Variants in CDH18 observed in about 807,000 individuals in gnomAD.
The protein encoded by CDH18 is cadherin 18.
A neutral mutation model predicts 67.9 loss-of-function variants in CDH18; 31 were observed. The ratio of observed to expected loss-of-function variants is 0.46; its 90% CI spans 0.34 to 0.62. The LOEUF (loss-of-function observed/expected upper bound fraction) is 0.62, where lower values mean the gene tolerates loss of function less well. Among genes scored for constraint, CDH18 ranks in the 20% least tolerant of loss-of-function variants. The pLI is 0.01. For missense variants in CDH18, 890 were observed against 975.5 expected, an observed-to-expected ratio of 0.91 and a Z score of 1.17; for synonymous variants, 362 against 347.2, an observed-to-expected ratio of 1.04 and a Z score of -0.48.
At chr5:20,125,859 T>A (rs80146282) in intron 2 of CDH18, among the ~76,000 whole-genome samples, 50 of 152,168 alleles carry the variant, frequency 3.3e-4, no homozygotes, top group Non-Finnish European at 6.2e-4. Flanking sequence ...CATAAGACTC[T>A]CTCCCTACAC....
intron 2 of CDH18, among the ~76,000 whole-genome samples, chr5:20,030,269 A>G (rs1739279643): frequency 6.6e-6 from 1 of 152,136 alleles, no homozygotes; most frequent in Admixed American, 6.6e-5. Context: ...AGGACATCTC[A>G]GTGTGTGTCA....
chr5:20,002,424 T>C (rs1580001285), intron 2 of CDH18, among the ~76,000 whole-genome samples: 1 of 152,218 alleles, frequency 6.6e-6, no homozygotes, highest in Non-Finnish European at 1.5e-5. Flanking sequence ...GGCTCTCAGT[T>C]TGCACATCTT....
chr5:19,720,063 C>A (rs984598133), intron 5 of CDH18, among the ~76,000 whole-genome samples: 1 of 152,070 alleles, frequency 6.6e-6, no homozygotes, highest in Non-Finnish European at 1.5e-5. Flanking sequence ...ATCAAATCCT[C>A]TTGTAAACAT....
At chr5:20,493,194 C>CA (rs1212855145) in intron 1 of CDH18, among the ~76,000 whole-genome samples, 1 of 151,016 alleles carries the variant, frequency 6.6e-6, no homozygotes, top group African/African-American at 2.4e-5. Flanking sequence ...ACTAAAAATA[C>CA]AAAAAACTAG....
chr5:20,203,578 G>A (rs1739622179), intron 2 of CDH18, among the ~76,000 whole-genome samples: 1 of 74,050 alleles, frequency 1.4e-5, no homozygotes. Flanking sequence ...CTAGTGGAGG[G>A]AAAAGAGAGA....
At chr5:20,460,668 A>G (rs1751203296) in intron 1 of CDH18, among the ~76,000 whole-genome samples, 1 of 152,146 alleles carries the variant, frequency 6.6e-6, no homozygotes, top group South Asian at 2.1e-4. Context: ...AGTTTCATTA[A>G]GGAGAGGAAA....
chr5:19,790,851 A>C (rs982603205), intron 3 of CDH18, among the ~76,000 whole-genome samples: 2 of 152,150 alleles, frequency 1.3e-5, no homozygotes, highest in East Asian at 3.9e-4. Flanking sequence ...GAAAAGAACC[A>C]GACAGACTTG....
chr5:20,561,107 G>A (rs991426904), intron 1 of CDH18, among the ~76,000 whole-genome samples: 24 of 152,094 alleles, frequency 1.6e-4, no homozygotes, highest in African/African-American at 5.6e-4. Flanking sequence ...TGACAATATT[G>A]AATGCTGGCA....
intron 2 of CDH18, among the ~76,000 whole-genome samples, chr5:19,878,387 T>C (rs1394817049): frequency 1.3e-5 from 2 of 152,072 alleles, no homozygotes; most frequent in Non-Finnish European, 2.9e-5. Flanking sequence ...AATGTCAGAA[T>C]ACAAACATAC....
intron 1 of CDH18, among the ~76,000 whole-genome samples, chr5:20,513,273 C>T (rs190620279): frequency 2.0e-5 from 3 of 152,202 alleles, no homozygotes; most frequent in African/African-American, 7.2e-5. Context: ...GTAGCTCAAA[C>T]ATTAGGAGCT....
At chr5:19,825,891 T>C (rs1780356201) in intron 3 of CDH18, among the ~76,000 whole-genome samples, 1 of 152,086 alleles carries the variant, frequency 6.6e-6, no homozygotes, top group Admixed American at 6.6e-5. Flanking sequence ...ATGAAATAGC[T>C]GAAATGTCAG....
At chr5:20,312,328 GTAAT>G (rs1561961933) in intron 1 of CDH18, among the ~76,000 whole-genome samples, 1 of 152,028 alleles carries the variant, frequency 6.6e-6, no homozygotes, top group East Asian at 1.9e-4. Flanking sequence ...GTTAACTTCT[GTAAT>G]TAATTAAATG....
At chr5:20,336,904 T>C (rs1739821218) in intron 1 of CDH18, among the ~76,000 whole-genome samples, 1 of 152,144 alleles carries the variant, frequency 6.6e-6, no homozygotes, top group Non-Finnish European at 1.5e-5. Context: ...AGATTCCCCA[T>C]GGGTTTTGCT....
intron 2 of CDH18, among the ~76,000 whole-genome samples, chr5:19,893,087 T>A (rs1368050925): frequency 1.3e-5 from 2 of 152,108 alleles, no homozygotes; most frequent in South Asian, 4.1e-4. Flanking sequence ...ATGAATGGCA[T>A]TAGTGCTTTT....
intron 1 of CDH18, among the ~76,000 whole-genome samples, chr5:20,267,761 A>G (rs1397077549): frequency 6.6e-6 from 1 of 152,220 alleles, no homozygotes; most frequent in African/African-American, 2.4e-5. Flanking sequence ...ACCCTGAAAC[A>G]TAACTGAATT....
chr5:20,236,661 G>T (rs550306021), intron 2 of CDH18, among the ~76,000 whole-genome samples: 1 of 151,940 alleles, frequency 6.6e-6, no homozygotes, highest in East Asian at 1.9e-4. Flanking sequence ...GGAATTTAAC[G>T]TCCCAATATC....
intron 2 of CDH18, among the ~76,000 whole-genome samples, chr5:19,852,387 A>G (rs903898908): frequency 1.3e-5 from 2 of 151,982 alleles, no homozygotes; most frequent in Admixed American, 1.3e-4. Flanking sequence ...TAGTAATAAT[A>G]TTATTATTAG....
chr5:20,120,585 T>G (rs910427043), intron 2 of CDH18, among the ~76,000 whole-genome samples: 2 of 152,134 alleles, frequency 1.3e-5, no homozygotes, highest in African/African-American at 4.8e-5. Flanking sequence ...AACTATATTC[T>G]AGATTTAAGA....
intron 2 of CDH18, among the ~76,000 whole-genome samples, chr5:20,145,124 C>G (rs1750537422): frequency 6.6e-6 from 1 of 151,318 alleles, no homozygotes; most frequent in African/African-American, 2.4e-5. Context: ...ATCACATAGA[C>G]AAAACAAGAA....
Sources: allele counts gnomAD v4.1 joint callset (sites outside exome capture counted in the v4.1 genomes callset), GRCh38; gene constraint gnomAD v4.1.1; transcripts MANE v1.5; gene names NCBI Gene and HGNC (gene_info 2026-07-23, HGNC 2026-07-21).